CCDC12: variants seen among roughly 807,000 people sequenced by gnomAD.
The protein encoded by CCDC12 is coiled-coil domain-containing protein 12.
Under a neutral mutation model 25.7 loss-of-function variants are expected in CCDC12, and 28 were observed. That is an observed-to-expected ratio of 1.09 (90% CI 0.81 to 1.50). The LOEUF (loss-of-function observed/expected upper bound fraction) is 1.50. Ranked by LOEUF, CCDC12 falls within the 40% of genes most tolerant of loss-of-function variation. The probability of loss-of-function intolerance (pLI) is 0.00; values close to 1 mark genes in which losing one functional copy is unlikely to be tolerated. For missense variants in CCDC12, 198 were observed against 210.0 expected, an observed-to-expected ratio of 0.94 and a Z score of 0.35; for synonymous variants, 75 against 87.7, an observed-to-expected ratio of 0.86 and a Z score of 0.81.
In CCDC12 at chr3:46,976,657, G is replaced by A. The variant is rs1286548681; in HGVS notation, c.76C>T (p.Arg26Trp). 3 of 1,611,030 alleles carry A rather than the reference G, an allele frequency of 1.9e-6. No homozygotes were observed. The highest frequency in any genetic ancestry group is 1.7e-6 in the Non-Finnish European group (2 of 1,178,694). Residue 26 changes from arginine to tryptophan, a missense_variant, in exon 1 of 7, where the codon CGG (arginine) becomes TGG (tryptophan). Arg to Trp is a moderately radical substitution (Grantham distance 101). Transcript: ENST00000683445. ...CTCACCTTGCGCCCGGTTTTCTCCC[G>A]TAGGGCCTTCAGCCGTTCCTTTCGC... ...LRRKERLKAL[R>W]EKTGRKDKED...
intron 2 of CCDC12, among the ~76,000 whole-genome samples, chr3:46,939,055 A>C (rs578138088): frequency 1.3e-5 from 2 of 152,230 alleles, no homozygotes; most frequent in South Asian, 4.1e-4. Flanking sequence ...TGTCAGCTCC[A>C]TGAGGGTAGG....
chr3:46,967,443 A>C (rs2034674899), intron 1 of CCDC12, among the ~76,000 whole-genome samples: 2 of 150,548 alleles, frequency 1.3e-5, no homozygotes, highest in East Asian at 2.0e-4. Flanking sequence ...TGTTCACTCT[A>C]CTCCTACTCC....
At chr3:46,944,672 A>C (rs1575549027) in intron 1 of CCDC12, among the ~76,000 whole-genome samples, 5 of 142,960 alleles carry the variant, frequency 3.5e-5, no homozygotes, top group South Asian at 2.2e-4. Context: ...ATTCCCCTCC[A>C]CCCCTGCCTG....
chr3:46,957,996 C>CACACAAACACAT (rs113627328), intron 1 of CCDC12, among the ~76,000 whole-genome samples: 1 of 142,582 alleles, frequency 7.0e-6, no homozygotes, highest in African/African-American at 2.6e-5. Context: ...CACACACACA[C>CACACAAACACAT]ATATATATGT....
At chr3:46,980,992 G>A (rs572672164), upstream of CCDC12, among the ~76,000 whole-genome samples, 30 of 152,290 alleles carry the variant, frequency 2.0e-4, no homozygotes, top group East Asian at 3.9e-3. Flanking sequence ...TGTCTTCCAC[G>A]GACCTGGAGT....
chr3:46,957,551 T>C (rs2034328400), intron 1 of CCDC12, among the ~76,000 whole-genome samples: 1 of 152,220 alleles, frequency 6.6e-6, no homozygotes, highest in Non-Finnish European at 1.5e-5. Flanking sequence ...CATGGCCATT[T>C]ATAGCAATAA....
chr3:46,922,573 T>C (rs2032731927), intron 5 of CCDC12: 1 of 549,410 alleles, frequency 1.8e-6, no homozygotes, highest in African/African-American at 1.9e-5. Flanking sequence ...CAAAGGTGGA[T>C]GGTTTCTCAG....
intron 2 of CCDC12, 29 bp downstream of exon 2, chr3:46,940,969 C>A: frequency 6.2e-7 from 1 of 1,609,358 alleles, no homozygotes; most frequent in Non-Finnish European, 8.5e-7. Flanking sequence ...GAGGAGAGAG[C>A]AGACCCTGGA....
At position 46,928,540 on chromosome 3, in the gene CCDC12, GA is replaced by G. The variant is rs932104443; in HGVS notation, c.165-3006del. On this transcript the variant is annotated intron_variant, in intron 2 of 6. Transcript: ENST00000683445. ...TCATATAATCTCATGGGCCTGGAGA[GA>G]AAAAAAAAAGTGTGTTTAAGCAGAA... 1.7e-3 allele frequency among the ~76,000 whole-genome samples: 245 copies of G among 147,556 alleles called. 1 individual carries two copies. Among genetic ancestry groups the G allele is most frequent in the Non-Finnish European group, 2.8e-3 (185 of 66,490 alleles).
chr3:46,951,825 TTA>T (rs2034140795), intron 1 of CCDC12, among the ~76,000 whole-genome samples: 3 of 30,060 alleles, frequency 1.0e-4, no homozygotes, highest in Non-Finnish European at 7.4e-5. Context: ...ATATATATAC[TTA>T]ATGAGGATCA....
chr3:46,973,482 C>G (rs1362496693), intron 1 of CCDC12, among the ~76,000 whole-genome samples: 2 of 148,396 alleles, frequency 1.3e-5, no homozygotes, highest in Non-Finnish European at 3.0e-5. Context: ...GCAACAAGAG[C>G]GAAACTCCAT....
chr3:46,923,738 C>T (rs2032812030), intron 3 of CCDC12, 70 bp from the exon 4 acceptor site: 5 of 1,302,320 alleles, frequency 3.8e-6, no homozygotes, highest in Admixed American at 3.2e-5. Flanking sequence ...CACTGCCTAC[C>T]GTGGCCCCCA....
rs1435032954 is a variant in CCDC12 at position 46,976,651 on chromosome 3, T to C, written c.82A>G (p.Lys28Glu). ...RKERLKALRE[K>E]TGRKDKEDGE... ...ACACTTCTCACCTTGCGCCCGGTTTTCTCCCGTAGGGCCTTCAGCCGTTCC... is the reference window on the plus strand; with the variant it reads ...ACACTTCTCACCTTGCGCCCGGTTTCCTCCCGTAGGGCCTTCAGCCGTTCC... The change falls in exon 1 of 7, where the codon AAA becomes GAA. Residue 28 changes from lysine (K) to glutamate (E), a missense_variant. Lys to Glu is a moderately conservative substitution (Grantham distance 56). Transcript: ENST00000683445. 1 of 1,611,318 alleles carries C rather than the reference T, an allele frequency of 6.2e-7. No homozygotes were observed.
chr3:46,947,448 C>A (rs2033950721), intron 1 of CCDC12, among the ~76,000 whole-genome samples: 1 of 152,186 alleles, frequency 6.6e-6, no homozygotes, highest in Non-Finnish European at 1.5e-5. Context: ...GTAGGGCAGT[C>A]ACCCGGAGTC....
chr3:46,943,265 C>G (rs1167010401), intron 1 of CCDC12, among the ~76,000 whole-genome samples: 1 of 152,170 alleles, frequency 6.6e-6, no homozygotes, highest in Non-Finnish European at 1.5e-5. Flanking sequence ...CTGACACATG[C>G]AGCCCTCCCT....
chr3:46,977,471 CAAAAAAAAAAAA>C (rs61340798), upstream of CCDC12, among the ~76,000 whole-genome samples: 1 of 120,326 alleles, frequency 8.3e-6, no homozygotes, highest in Non-Finnish European at 1.7e-5. Flanking sequence ...GACTCCGTCT[CAAAAAAAAAAAA>C]AAAAAAAAAA....
chr3:46,923,709 C>T (rs368923833), intron 3 of CCDC12, 41 bp from the exon 4 acceptor site: 53 of 1,431,644 alleles, frequency 3.7e-5, no homozygotes, highest in South Asian at 7.7e-5. Context: ...GTGGAAAACG[C>T]GCTGCCACTC....
chr3:46,972,738 G>A (rs906259099), intron 1 of CCDC12, among the ~76,000 whole-genome samples: 10 of 150,312 alleles, frequency 6.7e-5, no homozygotes, highest in Admixed American at 2.7e-4. Context: ...GTTCAAGACC[G>A]GCCTGGGGCA....
intron 6 of CCDC12, 34 bp from the exon 7 acceptor site, chr3:46,922,173 G>A: frequency 6.2e-7 from 1 of 1,614,098 alleles, no homozygotes; most frequent in East Asian, 2.2e-5. Context: ...GGGTGGGGAG[G>A]GGCCCGGTGC....
Sources: gnomAD v4.1 joint callset for allele counts (sites outside exome capture counted in the v4.1 genomes callset) on GRCh38, gnomAD v4.1.1 for gene constraint, MANE v1.5 for transcripts, NCBI Gene and HGNC (gene_info 2026-07-23, HGNC 2026-07-21) for gene names.